EYS: variants seen among roughly 807,000 people sequenced by gnomAD.
EYS encodes the protein protein eyes shut homolog.
A neutral mutation model predicts 282.1 loss-of-function variants in EYS; 250 were observed. That is an observed-to-expected ratio of 0.89 (90% CI 0.80 to 0.98). The LOEUF (loss-of-function observed/expected upper bound fraction) is 0.98, where lower values mean the gene tolerates loss of function less well. Among genes scored for constraint, EYS ranks in the 50% least tolerant of loss-of-function variants. The pLI is 0.00. For missense variants in EYS, 4,016 were observed against 3,709.0 expected, an observed-to-expected ratio of 1.08 and a Z score of -2.15; for synonymous variants, 1,355 against 1,282.9, an observed-to-expected ratio of 1.06 and a Z score of -1.20.
At chr6:65,091,751 G>A (rs942732122) in intron 12 of EYS, among the ~76,000 whole-genome samples, 10 of 152,220 alleles carry the variant, frequency 6.6e-5, no homozygotes, top group African/African-American at 2.2e-4. Flanking sequence ...AGCGGGTTTG[G>A]AGCAGAGGCG....
chr6:64,864,385 C>T (rs373727933), intron 19 of EYS, among the ~76,000 whole-genome samples: 140 of 57,110 alleles, frequency 2.5e-3, no homozygotes, highest in African/African-American at 4.7e-3. Flanking sequence ...GCTATACCTT[C>T]TTTTTTTTTT....
chr6:65,431,408 C>T (rs1278331493), intron 5 of EYS, among the ~76,000 whole-genome samples: 1 of 152,082 alleles, frequency 6.6e-6, no homozygotes, highest in East Asian at 1.9e-4. Context: ...AGATAGTTGT[C>T]TTCTATTCAG....
chr6:63,917,274 T>C (rs1764448562), intron 35 of EYS, among the ~76,000 whole-genome samples: 1 of 152,218 alleles, frequency 6.6e-6, no homozygotes, highest in Admixed American at 6.5e-5. Flanking sequence ...GAAATACTGG[T>C]TGATAGAAGT....
chr6:64,118,917 A>C (rs1296682299), intron 31 of EYS, among the ~76,000 whole-genome samples: 2 of 152,166 alleles, frequency 1.3e-5, no homozygotes, highest in African/African-American at 4.8e-5. Flanking sequence ...CTGAAAAGAC[A>C]TAGGAATAGC....
chr6:64,643,563 C>A (rs915990363), intron 22 of EYS, among the ~76,000 whole-genome samples: 1 of 151,846 alleles, frequency 6.6e-6, no homozygotes, highest in African/African-American at 2.4e-5. Context: ...CAATGATTTC[C>A]CACCACATAT....
intron 33 of EYS, among the ~76,000 whole-genome samples, chr6:63,999,710 A>G (rs1767991349): frequency 6.6e-6 from 1 of 152,240 alleles, no homozygotes; most frequent in Admixed American, 6.5e-5. Flanking sequence ...CCGCTAATGT[A>G]TCGGCTGGTA....
chr6:65,231,053 A>G (rs1225743981), intron 12 of EYS, among the ~76,000 whole-genome samples: 3 of 87,912 alleles, frequency 3.4e-5, no homozygotes, highest in Non-Finnish European at 5.1e-5. Context: ...AATTAAAAGT[A>G]TATATATATG....
At chr6:63,879,343 G>A (rs1339153627) in intron 35 of EYS, among the ~76,000 whole-genome samples, 1 of 152,042 alleles carries the variant, frequency 6.6e-6, no homozygotes, top group Non-Finnish European at 1.5e-5. Flanking sequence ...ACATAATTAG[G>A]CTTTTATTAT....
chr6:63,929,755 C>T (rs997006258), intron 35 of EYS, among the ~76,000 whole-genome samples: 1 of 152,154 alleles, frequency 6.6e-6, no homozygotes, highest in African/African-American at 2.4e-5. Flanking sequence ...CATCCTTTTT[C>T]TACACTGAGT....
chr6:65,618,875 T>C (rs1766339306), intron 2 of EYS, among the ~76,000 whole-genome samples: 1 of 152,182 alleles, frequency 6.6e-6, no homozygotes. Flanking sequence ...ATATGCGGCA[T>C]TATTTCTGAG....
intron 41 of EYS, among the ~76,000 whole-genome samples, chr6:63,747,346 GA>G (rs1421512517): frequency 1.3e-5 from 2 of 152,176 alleles, no homozygotes; most frequent in Non-Finnish European, 2.9e-5. Context: ...TGCATTTGCT[GA>G]GGAGTGTTTT....
intron 39 of EYS, among the ~76,000 whole-genome samples, chr6:63,787,685 T>C (rs1295037434): frequency 6.6e-6 from 1 of 152,248 alleles, no homozygotes; most frequent in East Asian, 1.9e-4. Context: ...GCATGGCCTG[T>C]AATCCCAGCA....
rs141989020 is a variant in EYS, at chr6:64,096,890, C to T, written c.6425-14888G>A. 7.3e-3 allele frequency among the ~76,000 whole-genome samples: 1,109 copies of T among 152,220 alleles called. 23 individuals carry two copies. The highest frequency in any genetic ancestry group is 0.025 in the African/African-American group (1,021 of 41,516). ...TTCCCCATCTTTGTGGTTTTATCTACCTTTGGTGTTTGATGATGGTGACGT... is the reference window on the plus strand; with the variant it reads ...TTCCCCATCTTTGTGGTTTTATCTATCTTTGGTGTTTGATGATGGTGACGT... On this transcript the variant is annotated intron_variant, in intron 31 of 42. Coordinates refer to ENST00000503581, the MANE Select transcript of EYS (RefSeq NM_001142800.2).
At chr6:64,819,895 T>A (rs2150020664) in intron 21 of EYS, among the ~76,000 whole-genome samples, 1 of 152,028 alleles carries the variant, frequency 6.6e-6, no homozygotes, top group African/African-American at 2.4e-5. Flanking sequence ...GTAAAAGAAC[T>A]ATAAGTAGGC....
intron 22 of EYS, among the ~76,000 whole-genome samples, chr6:64,669,641 C>G (rs1175372913): frequency 6.6e-6 from 1 of 152,200 alleles, no homozygotes; most frequent in Non-Finnish European, 1.5e-5. Flanking sequence ...GTGCAAATCT[C>G]TGCAGAGCCT....
intron 22 of EYS, among the ~76,000 whole-genome samples, chr6:64,687,948 C>G (rs1314746373): frequency 1.3e-5 from 2 of 152,026 alleles, no homozygotes; most frequent in Admixed American, 6.6e-5. Flanking sequence ...TTTGTTTAGT[C>G]TTTGCAGGGT....
chr6:65,685,927 C>A (rs1456946514), intron 1 of EYS, among the ~76,000 whole-genome samples: 2 of 151,914 alleles, frequency 1.3e-5, no homozygotes, highest in Admixed American at 6.6e-5. Context: ...AAGGTAAGTA[C>A]AGAAGACCAT....
chr6:64,093,670 T>G (rs1772461877), intron 31 of EYS, among the ~76,000 whole-genome samples: 1 of 152,166 alleles, frequency 6.6e-6, no homozygotes, highest in African/African-American at 2.4e-5. Flanking sequence ...ATGATGGGGT[T>G]TTCTAGATAT....
intron 12 of EYS, among the ~76,000 whole-genome samples, chr6:65,263,703 CTGTGTG>C (rs3042394): frequency 3.7e-4 from 52 of 141,408 alleles, no homozygotes; most frequent in East Asian, 1.3e-3. Flanking sequence ...CAAGGCAAAG[CTGTGTG>C]TGTGTGTGTG....
Sources: allele counts gnomAD v4.1 joint callset (sites outside exome capture counted in the v4.1 genomes callset), GRCh38; gene constraint gnomAD v4.1.1; transcripts MANE v1.5; gene names NCBI Gene and HGNC (gene_info 2026-07-23, HGNC 2026-07-21).